The following MYMK variants were observed in gnomAD, a reference collection of about 807,000 sequenced individuals.
MYMK encodes myomaker, myoblast fusion factor, also known as protein myomaker.
MYMK carries 16 observed loss-of-function variants against 22.4 expected under a neutral mutation model. The observed-to-expected ratio is 0.72, with a 90% CI of 0.48 to 1.09. The LOEUF (loss-of-function observed/expected upper bound fraction) is 1.09, where lower values mean the gene tolerates loss of function less well. Ranked by LOEUF, MYMK falls within the 50% of genes least tolerant of loss-of-function variation. The probability of loss-of-function intolerance (pLI) is 0.00; values close to 1 mark genes in which losing one functional copy is unlikely to be tolerated. For missense variants in MYMK, 250 were observed against 295.6 expected (o/e 0.85, Z 1.13); for synonymous variants, 125 against 127.0 (o/e 0.98, Z 0.11).
At chr9:133,517,689 G>A (rs9696544) in intron 3 of MYMK, among the ~76,000 whole-genome samples, 118,045 of 147,538 alleles carry the variant, frequency 0.8, 47,593 homozygotes, top group East Asian at 1. Context: ...AAAAAAGTCA[G>A]GTTCTGGCCC....
intron 3 of MYMK, among the ~76,000 whole-genome samples, chr9:133,517,022 C>G (rs114724483): frequency 0.016 from 2,450 of 152,244 alleles, 60 homozygotes; most frequent in African/African-American, 0.056. Context: ...AGCCCATCCT[C>G]GGCTCCTGTG....
intron 3 of MYMK, 63 bp downstream of exon 3, chr9:133,518,811 C>A (rs1324269321): frequency 6.4e-7 from 1 of 1,559,650 alleles, no homozygotes; most frequent in Non-Finnish European, 8.7e-7. Context: ...CAGGAGGAGT[C>A]AGACAGGGGA....
At chr9:133,522,004 G>A (rs989784853) in intron 1 of MYMK, among the ~76,000 whole-genome samples, 8 of 152,352 alleles carry the variant, frequency 5.3e-5, no homozygotes, top group African/African-American at 1.9e-4. Flanking sequence ...TTCAGGGAGG[G>A]GGACGCCAGG....
chr9:133,519,088 C>T (rs1322104793), intron 2 of MYMK, 66 bp from the exon 3 acceptor site: 27 of 1,594,736 alleles, frequency 1.7e-5, no homozygotes, highest in Non-Finnish European at 2.3e-5. Context: ...GCTACCCCCC[C>T]ACCCCCCAGC....
intron 3 of MYMK, among the ~76,000 whole-genome samples, chr9:133,516,695 G>A (rs1028630120): frequency 3.3e-5 from 5 of 152,174 alleles, no homozygotes; most frequent in African/African-American, 9.7e-5. Flanking sequence ...CAGCTGGACC[G>A]TGTGACCCTG....
chr9:133,524,575 C>T, intron 1 of MYMK, 135 bp downstream of exon 1: 1 of 1,341,488 alleles, frequency 7.5e-7, no homozygotes, highest in South Asian at 1.4e-5. Context: ...GTCTCCAGAC[C>T]CCACCTGGGC....
intron 1 of MYMK, among the ~76,000 whole-genome samples, chr9:133,522,634 G>T (rs763957620): frequency 2.6e-5 from 4 of 152,210 alleles, no homozygotes; most frequent in Non-Finnish European, 5.9e-5. Context: ...AGGCAGGGAG[G>T]TGTGGCCTGG....
chr9:133,516,197 C>T (rs898408156), intron 3 of MYMK, among the ~76,000 whole-genome samples: 1 of 152,230 alleles, frequency 6.6e-6, no homozygotes, highest in Non-Finnish European at 1.5e-5. Flanking sequence ...GAGGAAGATG[C>T]GGGAAGTGTG....
chr9:133,519,217 T>A (rs1016307756), intron 2 of MYMK, among the ~76,000 whole-genome samples, 195 bp from the exon 3 acceptor site: 1 of 152,010 alleles, frequency 6.6e-6, no homozygotes, highest in Non-Finnish European at 1.5e-5. Flanking sequence ...ACAGGCAGCC[T>A]GCTGCTTCCC....
intron 1 of MYMK, among the ~76,000 whole-genome samples, chr9:133,523,598 A>T (rs140831515): frequency 6.6e-6 from 1 of 152,104 alleles, no homozygotes; most frequent in Non-Finnish European, 1.5e-5. Flanking sequence ...GGGGGTACCG[A>T]GACATATAAA....
At chr9:133,518,761 C>T in intron 3 of MYMK, 113 bp downstream of exon 3, 1 of 1,372,874 alleles carries the variant, frequency 7.3e-7, no homozygotes, top group Non-Finnish European at 9.9e-7. Context: ...TGCATCCACC[C>T]ATTTGCCTAT....
Position 133,515,622 on chromosome 9 carries a change from G to A in MYMK, c.400-15C>T. On this transcript the variant is annotated splice_polypyrimidine_tract_variant and intron_variant, in intron 3 of 4. Coordinates refer to ENST00000339996, the MANE Select transcript of MYMK (RefSeq NM_001080483.3). The surrounding 1 kb of genome is among the most constrained non-coding windows in gnomAD (Gnocchi z 5.8). Reference sequence around the variant, plus strand: ...ATCTTCTGTAGCTGTGAGGACAGGAGGCCACAGCAAAGCTTTTAGGTCACA... The same window carrying A: ...ATCTTCTGTAGCTGTGAGGACAGGAAGCCACAGCAAAGCTTTTAGGTCACA... The A allele has an allele frequency of 6.4e-7, 1 of 1,566,902 alleles. No homozygotes were observed. The highest frequency in any genetic ancestry group is 8.8e-7 in the Non-Finnish European group (1 of 1,137,246).
At chr9:133,517,923 G>A (rs1024114215) in intron 3 of MYMK, among the ~76,000 whole-genome samples, 5 of 152,226 alleles carry the variant, frequency 3.3e-5, no homozygotes, top group South Asian at 2.1e-4. Flanking sequence ...GGCTCTGGCC[G>A]GGGCTGGCAG....
At chr9:133,517,377 C>G (rs1844643791) in intron 3 of MYMK, among the ~76,000 whole-genome samples, 1 of 152,144 alleles carries the variant, frequency 6.6e-6, no homozygotes. Context: ...CTCAAAAAGT[C>G]AAGTCCAGCC....
chr9:133,515,641 G>A lies in MYMK; in HGVS notation c.400-34C>T. The A allele has an allele frequency of 6.8e-7, 1 of 1,471,964 alleles. No individual in the cohort carries two copies. Among genetic ancestry groups the A allele is most frequent in the South Asian group, 1.1e-5 (1 of 88,212 alleles). The allele number at this position is 1,471,964 out of a possible 1,614,324, so 91.2% of individuals were successfully genotyped here. A position where few individuals can be genotyped will look rare whatever the true frequency, so the allele number is the denominator to read the frequency against. Reference sequence around the variant, plus strand: ...ACAGGAGGCCACAGCAAAGCTTTTAGGTCACAGCACTGGGGAACGCCCCTC... The same window carrying A: ...ACAGGAGGCCACAGCAAAGCTTTTAAGTCACAGCACTGGGGAACGCCCCTC... On this transcript the variant is annotated intron_variant, in intron 3 of 4. Transcript: ENST00000339996. The surrounding 1 kb of genome is among the most constrained non-coding windows in gnomAD (Gnocchi z 5.8).
rs780813348 is a variant in MYMK at position 133,519,043 on chromosome 9, C to A, written c.251-21G>T. Reference sequence around the variant, plus strand: ...CAGTGCTGGAGGGGCCAGGGAGACACAGGGGGAGGTGAGTGGTCTCTCTTG... The same window carrying A: ...CAGTGCTGGAGGGGCCAGGGAGACAAAGGGGGAGGTGAGTGGTCTCTCTTG... On this transcript the variant is annotated intron_variant, in intron 2 of 4. Coordinates refer to ENST00000339996, the MANE Select transcript of MYMK (RefSeq NM_001080483.3). 1.9e-6 allele frequency: 3 copies of A among 1,612,922 alleles called. No homozygotes were observed. The African/African-American group carries it at 4.0e-5, about 22-fold the overall frequency.
intron 2 of MYMK, 22 bp downstream of exon 2, chr9:133,520,152 T>C: frequency 6.3e-7 from 1 of 1,597,166 alleles, no homozygotes; most frequent in Non-Finnish European, 8.6e-7. Context: ...GCAAGGCTTG[T>C]CTGCAGGGGT....
chr9:133,524,898 C>T lies in MYMK; in HGVS notation c.-54G>A, dbSNP rs1588267811. 9 of 1,549,678 alleles carry T rather than the reference C, an allele frequency of 5.8e-6. No individual in the cohort carries two copies. Among genetic ancestry groups the T allele is most frequent in the East Asian group, 2.3e-5 (1 of 44,354 alleles). On this transcript the variant is annotated 5_prime_UTR_variant, in exon 1 of 5. Coordinates refer to ENST00000339996, the MANE Select transcript of MYMK (RefSeq NM_001080483.3). ...GGGGAGGGTGCTGGTGTCCCAGGTC[C>T]CCAGCACAGGAGCACGAAGTGGGAA...
At position 133,524,890 on chromosome 9, in the gene MYMK, C is replaced by G. The variant is rs1844740720; in HGVS notation, c.-46G>C. On this transcript the variant is annotated 5_prime_UTR_variant, in exon 1 of 5. Transcript: ENST00000339996. Reference sequence around the variant, plus strand: ...GCTGGGGTGGGGAGGGTGCTGGTGTCCCAGGTCCCCAGCACAGGAGCACGA... The same window carrying G: ...GCTGGGGTGGGGAGGGTGCTGGTGTGCCAGGTCCCCAGCACAGGAGCACGA... 6.4e-7 allele frequency: 1 copy of G among 1,562,126 alleles called. No individual in the cohort carries two copies. The highest frequency in any genetic ancestry group is 1.4e-5 in the African/African-American group (1 of 73,720).
Sources: gnomAD v4.1 joint callset for allele counts (sites outside exome capture counted in the v4.1 genomes callset) on GRCh38, gnomAD v4.1.1 for gene constraint, Gnocchi (gnomAD v3.1) non-coding constraint, MANE v1.5 for transcripts, NCBI Gene and HGNC (gene_info 2026-07-23, HGNC 2026-07-21) for gene names.